The following MBTPS2 variants were observed in gnomAD, a reference collection of about 807,000 sequenced individuals.
MBTPS2 encodes membrane bound transcription factor peptidase, site 2, also known as membrane-bound transcription factor site-2 protease.
In MBTPS2, 2 loss-of-function variants were observed where a neutral mutation model predicts 35.4. The observed-to-expected ratio is 0.06, with a 90% CI of 0.02 to 0.18. The LOEUF (loss-of-function observed/expected upper bound fraction) is 0.18. MBTPS2 is among the 10% of genes least tolerant of loss of function. The pLI, the probability that MBTPS2 is intolerant of heterozygous loss-of-function variation, is 1.00. For missense variants in MBTPS2, 244 were observed against 386.5 expected (o/e 0.63, Z 3.09); for synonymous variants, 125 against 140.4 (o/e 0.89, Z 0.77).
In MBTPS2 at chrX:21,883,068, A is replaced by G; in HGVS notation, c.*413A>G. The stretch of plus-strand genomic sequence containing the variant: ...TTTGAAGGAGACCAGACTTTGGCCA[A>G]GTGGAAGGATGACCATTGTCTTGGC... On this transcript the variant is annotated 3_prime_UTR_variant, in exon 11 of 11. Coordinates refer to ENST00000379484, the MANE Select transcript of MBTPS2 (RefSeq NM_015884.4). 2.5e-6 allele frequency: 2 copies of G among 812,074 alleles called. No individual in the cohort carries two copies. The highest frequency in any genetic ancestry group is 1.0e-4 in the South Asian group (2 of 19,826). The allele number at this position is 812,074 out of a possible 1,213,427, so 66.9% of individuals were successfully genotyped here.
Position 21,839,731 on chromosome X carries a change from C to T in MBTPS2, c.-4C>T, listed in dbSNP as rs1464499906. On this transcript the variant is annotated 5_prime_UTR_variant, in exon 1 of 11. Transcript: ENST00000379484. The stretch of plus-strand genomic sequence containing the variant: ...GCCTTCCCTCCTCTGCCGCCGCTGC[C>T]GCCATGATTCCGGTGTCGCTGGTGG... The T allele has an allele frequency of 6.8e-6, 8 of 1,182,802 alleles. No individual in the cohort carries two copies. The highest frequency in any genetic ancestry group is 9.1e-6 in the Non-Finnish European group (8 of 880,398).
chrX:21,878,570 G>T lies in MBTPS2; in HGVS notation c.1139G>T (p.Ser380Ile), dbSNP rs777215127. The T allele has an allele frequency of 2.4e-5, 29 of 1,206,287 alleles. No homozygotes were observed. The highest frequency in any genetic ancestry group is 2.3e-4 in the Middle Eastern group (1 of 4,367). The change falls in exon 9 of 11, where the codon AGC becomes ATC. Residue 380 changes from serine to isoleucine, a missense_variant. Physicochemically the swap from Ser to Ile is moderately radical, Grantham distance 142. Coordinates refer to ENST00000379484, the MANE Select transcript of MBTPS2 (RefSeq NM_015884.4). ...AGAACCAATAAAGACTGTAAAAAAA[G>T]CTCAAGTTCAAGTTTCTGTATAATA... ...VCRTNKDCKK[S>I]SSSSFCIIPS... is the part of the protein sequence containing the mutation.
intron 7 of MBTPS2, chrX:21,869,935 T>TGAA (rs1220371125): frequency 6.4e-6 from 2 of 312,849 alleles, no homozygotes; most frequent in Non-Finnish European, 1.1e-5. Flanking sequence ...ATTTTCTGCT[T>TGAA]TCAAAACACT....
At chrX:21,874,561 G>A (rs1436590685) in intron 7 of MBTPS2, among the ~76,000 whole-genome samples, 1 of 111,865 alleles carries the variant, frequency 8.9e-6, no homozygotes, top group Non-Finnish European at 1.9e-5. Context: ...TTATTCCACA[G>A]TCACCTCTGG....
In MBTPS2 at chrX:21,869,091, ATATACATTG is replaced by A. The variant is rs761887331; in HGVS notation, c.790-404_790-396del. On this transcript the variant is annotated intron_variant, in intron 6 of 10. Coordinates refer to ENST00000379484, the MANE Select transcript of MBTPS2 (RefSeq NM_015884.4). The stretch of plus-strand genomic sequence containing the variant: ...TTACCTTTGTGAGCAATTGGCTTAC[ATATACATTG>A]TACTGATGGTATTGCCTGCATATTG... Among the ~76,000 whole-genome samples, 675 of 112,553 alleles carry A rather than the reference ATATACATTG, an allele frequency of 6.0e-3. 2 individuals carry two copies. The highest frequency in any genetic ancestry group is 9.4e-3 in the Non-Finnish European group (499 of 53,335).
rs2092961512 is a variant in MBTPS2, at chrX:21,883,453, G to A, written c.*798G>A. The A allele has an allele frequency of 4.0e-6, 3 of 754,220 alleles. No individual in the cohort carries two copies. The highest frequency in any genetic ancestry group is 4.7e-6 in the Non-Finnish European group (3 of 639,540). The allele number at this position is 754,220 out of a possible 1,213,427, so 62.2% of individuals were successfully genotyped here. A position where few individuals can be genotyped will look rare whatever the true frequency, so the allele number is the denominator to read the frequency against. Reference sequence around the variant, plus strand: ...GGGGTTGAACTTCGGAACTAGGCCGGGTCTCCTGACAGATCACAAGACACC... The same window carrying A: ...GGGGTTGAACTTCGGAACTAGGCCGAGTCTCCTGACAGATCACAAGACACC... On this transcript the variant is annotated 3_prime_UTR_variant, in exon 11 of 11. Coordinates refer to ENST00000379484, the MANE Select transcript of MBTPS2 (RefSeq NM_015884.4).
At chrX:21,848,003 C>A (rs1343947895) in intron 3 of MBTPS2, among the ~76,000 whole-genome samples, 1 of 112,676 alleles carries the variant, frequency 8.9e-6, no homozygotes, top group Non-Finnish European at 1.9e-5. Flanking sequence ...ATTCATTAAG[C>A]TCTTTAGCCT....
intron 9 of MBTPS2, 124 bp from the exon 10 acceptor site, chrX:21,880,773 T>G: frequency 2.0e-6 from 1 of 509,632 alleles, no homozygotes. Flanking sequence ...CTGCATATGT[T>G]TAGGAAGGGC....
chrX:21,863,873 G>A (rs1423279350), intron 5 of MBTPS2, among the ~76,000 whole-genome samples: 1 of 111,817 alleles, frequency 8.9e-6, no homozygotes, highest in Non-Finnish European at 1.9e-5. Flanking sequence ...GGCAAGGTTA[G>A]GGGTGGGGAG....
chrX:21,878,669 A>T lies in MBTPS2; in HGVS notation c.1238A>T (p.His413Leu), dbSNP rs763125730. 6.7e-6 allele frequency: 8 copies of T among 1,202,808 alleles called. No individual in the cohort carries two copies. In the South Asian group the frequency reaches 1.1e-4, roughly 16 times the overall value. ...PPQIDMLYVGHPLHLHYTVSI... is the reference protein window; with the variant it reads ...PPQIDMLYVGLPLHLHYTVSI... ...CAGATTGATATGTTATACGTAGGACATCCTCTGCATCTTCACTACACAGGT... is the reference window on the plus strand; with the variant it reads ...CAGATTGATATGTTATACGTAGGACTTCCTCTGCATCTTCACTACACAGGT... The change falls in exon 9 of 11, where the codon CAT becomes CTT. Residue 413 changes from histidine (H) to leucine (L), a missense_variant. Physicochemically the swap from His to Leu is moderately conservative, Grantham distance 99. Coordinates refer to ENST00000379484, the MANE Select transcript of MBTPS2 (RefSeq NM_015884.4).
At position 21,856,303 on chromosome X, in the gene MBTPS2, C is replaced by T. The variant is rs903386068; in HGVS notation, c.670+2800C>T. Reference sequence around the variant, plus strand: ...CTCGCGCCTTTCTCTGCAGCTCGCGCCTTTCTCTGCAGCTCGCGCCTTTCT... The same window carrying T: ...CTCGCGCCTTTCTCTGCAGCTCGCGTCTTTCTCTGCAGCTCGCGCCTTTCT... On this transcript the variant is annotated intron_variant, in intron 5 of 10. Coordinates refer to ENST00000379484, the MANE Select transcript of MBTPS2 (RefSeq NM_015884.4). The T allele has an allele frequency of 2.1e-4, 78 of 365,134 alleles. 2 individuals carry two copies. Among genetic ancestry groups the T allele is most frequent in the Non-Finnish European group, 3.2e-4 (68 of 213,910 alleles). 30.1% of individuals were successfully genotyped at this position (365,134 alleles called of 1,213,427 possible).
rs1159812331 is a variant in MBTPS2 at position 21,869,445 on chromosome X, A to C, written c.790-53A>C. ...AGTGTCTTTATTATTTGCTCAGATT[A>C]ATTATAGCTTGTCTTCATGCATTAT... On this transcript the variant is annotated intron_variant, in intron 6 of 10. Transcript: ENST00000379484. 4.3e-6 allele frequency: 4 copies of C among 935,430 alleles called. No homozygotes were observed. The African/African-American group carries it at 5.8e-5, about 14-fold the overall frequency. 77.1% of individuals were successfully genotyped at this position (935,430 alleles called of 1,213,427 possible).
At chrX:21,871,214 T>C (rs1439245836) in intron 7 of MBTPS2, 1 of 113,756 alleles carries the variant, frequency 8.8e-6, no homozygotes, top group African/African-American at 3.2e-5. Context: ...TCTGTTCTAA[T>C]CTGTTTAAAG....
rs2092921933 is a variant in MBTPS2, at chrX:21,856,340, GC to G, written c.670+2839del. 1.3e-4 allele frequency: 61 copies of G among 466,042 alleles called. 1 individual carries two copies. The East Asian group carries it at 2.2e-3, about 17-fold the overall frequency. 38.4% of individuals were successfully genotyped at this position (466,042 alleles called of 1,213,427 possible). On this transcript the variant is annotated intron_variant, in intron 5 of 10. Transcript: ENST00000379484. ...GCTCGCGCCTTTCTCTGCAGCTCGC[GC>G]CTTTCTCTGCAGCTCGCGCCTTTCT...
At chrX:21,877,296 G>A (rs749277022) in intron 7 of MBTPS2, among the ~76,000 whole-genome samples, 7 of 111,650 alleles carry the variant, frequency 6.3e-5, no homozygotes, top group Non-Finnish European at 1.1e-4. Flanking sequence ...ACAAAAATTA[G>A]CCGGGTGCAG....
intron 5 of MBTPS2, among the ~76,000 whole-genome samples, chrX:21,865,614 T>C (rs1186375843): frequency 8.9e-6 from 1 of 112,722 alleles, no homozygotes; most frequent in Non-Finnish European, 1.9e-5. Context: ...GTTGTGATTA[T>C]AGTAAGCTGG....
At position 21,839,788 on chromosome X, in the gene MBTPS2, C is replaced by T. The variant is rs770669278; in HGVS notation, c.54C>T (p.Tyr18=). 6.7e-6 allele frequency: 8 copies of T among 1,194,708 alleles called. No homozygotes were observed. The Admixed American group carries it at 1.6e-4, about 24-fold the overall frequency. ...VVVVGGWTVV[Y]LTDLVLKSSV... ...TGGTGGGTGGCTGGACTGTCGTCTACCTGACCGACTTGGTGCTGAAGGTGA... is the reference window on the plus strand; with the variant it reads ...TGGTGGGTGGCTGGACTGTCGTCTATCTGACCGACTTGGTGCTGAAGGTGA... The change falls in exon 1 of 11, where the codon TAC becomes TAT. Residue 18 remains tyrosine (Y), a synonymous_variant. Transcript: ENST00000379484.
intron 5 of MBTPS2, among the ~76,000 whole-genome samples, chrX:21,860,407 C>A (rs1296404060): frequency 9.0e-6 from 1 of 111,498 alleles, no homozygotes; most frequent in African/African-American, 3.3e-5. Flanking sequence ...AGTGAGACTC[C>A]GTCTCAAAAA....
chrX:21,880,256 T>C (rs985626829), intron 9 of MBTPS2, among the ~76,000 whole-genome samples: 5 of 110,773 alleles, frequency 4.5e-5, no homozygotes, highest in Non-Finnish European at 9.4e-5. Flanking sequence ...ACCCAGCCTA[T>C]GTCACTCTTT....
Sources: gnomAD v4.1 joint callset for allele counts (sites outside exome capture counted in the v4.1 genomes callset) on GRCh38, gnomAD v4.1.1 for gene constraint, MANE v1.5 for transcripts, NCBI Gene and HGNC (gene_info 2026-07-23, HGNC 2026-07-21) for gene names.